The following SLC2A9 variants were observed in gnomAD, a reference collection of about 807,000 sequenced individuals.
SLC2A9 encodes solute carrier family 2, facilitated glucose transporter member 9.
SLC2A9 carries 39 observed loss-of-function variants against 50.6 expected under a neutral mutation model. The ratio of observed to expected loss-of-function variants is 0.77; its 90% CI spans 0.60 to 1.01. SLC2A9 has a LOEUF of 1.01. Among genes scored for constraint, SLC2A9 ranks in the 50% least tolerant of loss-of-function variants. SLC2A9 has a pLI of 0.00. For synonymous variants in SLC2A9, 324 were observed against 276.9 expected, an observed-to-expected ratio of 1.17 and a Z score of -1.69; for missense variants, 686 against 677.6, an observed-to-expected ratio of 1.01 and a Z score of -0.14.
intron 10 of SLC2A9, among the ~76,000 whole-genome samples, chr4:9,878,052 C>T (rs557846912): frequency 2.0e-5 from 3 of 152,264 alleles, no homozygotes; most frequent in Admixed American, 2.0e-4. Context: ...TGTCCCTCTC[C>T]TCTTCCTCTG....
chr4:9,782,496 T>C, intron 3 of SLC2A9: 2 of 1,614,012 alleles, frequency 1.2e-6, no homozygotes, highest in Non-Finnish European at 1.7e-6. Flanking sequence ...ACTCAGCGCA[T>C]GGCCTTGGTC....
chr4:9,911,360 A>C (rs1228991732), intron 7 of SLC2A9, among the ~76,000 whole-genome samples: 1 of 151,890 alleles, frequency 6.6e-6, no homozygotes, highest in Non-Finnish European at 1.5e-5. Context: ...CTCCCCCTAC[A>C]TCAGCTGATA....
At chr4:9,957,659 G>A (rs1751532984) in intron 5 of SLC2A9, among the ~76,000 whole-genome samples, 1 of 152,036 alleles carries the variant, frequency 6.6e-6, no homozygotes, top group Admixed American at 6.6e-5. Context: ...AACGGGGACA[G>A]GGGGAAAGCC....
At chr4:9,960,618 C>A (rs1167700298) in intron 5 of SLC2A9, among the ~76,000 whole-genome samples, 1 of 152,226 alleles carries the variant, frequency 6.6e-6, no homozygotes, top group Non-Finnish European at 1.5e-5. Flanking sequence ...AGCCAAAGCT[C>A]ACGTGGCATT....
chr4:10,019,098 G>A, intron 1 of SLC2A9, 25 bp from the exon 2 acceptor site: 1 of 1,546,442 alleles, frequency 6.5e-7, no homozygotes, highest in Non-Finnish European at 8.8e-7. Context: ...AACCACGTCA[G>A]AGCCGGCACC....
chr4:9,869,271 A>C (rs1185787204), intron 10 of SLC2A9, among the ~76,000 whole-genome samples: 2 of 152,154 alleles, frequency 1.3e-5, no homozygotes, highest in Non-Finnish European at 2.9e-5. Flanking sequence ...CAGCTTCTAG[A>C]ATCAATTCTC....
intron 3 of SLC2A9, among the ~76,000 whole-genome samples, chr4:9,995,060 T>G (rs1758402601): frequency 1.3e-5 from 2 of 152,118 alleles, no homozygotes; most frequent in Admixed American, 1.3e-4. Context: ...CTGCTTGGCA[T>G]AGTGGAAAGA....
chr4:9,923,368 A>G (rs568611404), intron 6 of SLC2A9, among the ~76,000 whole-genome samples: 1 of 152,282 alleles, frequency 6.6e-6, no homozygotes, highest in South Asian at 2.1e-4. Flanking sequence ...CTGTTTGTGT[A>G]AGTTCATACT....
intron 5 of SLC2A9, among the ~76,000 whole-genome samples, chr4:9,963,286 C>T (rs893822114): frequency 1.3e-5 from 2 of 152,172 alleles, no homozygotes; most frequent in Non-Finnish European, 2.9e-5. Context: ...CTGCCCTTGA[C>T]ACGTGGGGAT....
intron 2 of SLC2A9, among the ~76,000 whole-genome samples, chr4:10,001,332 T>C (rs1759758604): frequency 6.6e-6 from 1 of 152,032 alleles, no homozygotes; most frequent in Non-Finnish European, 1.5e-5. Flanking sequence ...AATGTGGAGA[T>C]AGACAGGCAC....
chr4:10,038,090 G>A (rs1253214632), intron 1 of SLC2A9, among the ~76,000 whole-genome samples: 1 of 152,184 alleles, frequency 6.6e-6, no homozygotes, highest in Non-Finnish European at 1.5e-5. Flanking sequence ...CTGGAAAATG[G>A]TCCTGAGCAC....
chr4:9,948,278 T>C (rs945318648), intron 5 of SLC2A9, among the ~76,000 whole-genome samples: 1 of 152,182 alleles, frequency 6.6e-6, no homozygotes, highest in Non-Finnish European at 1.5e-5. Context: ...TGGAATCACT[T>C]GGAGAGTTTT....
intron 5 of SLC2A9, among the ~76,000 whole-genome samples, chr4:9,954,637 C>T (rs1750892218): frequency 6.6e-6 from 1 of 152,042 alleles, no homozygotes; most frequent in Non-Finnish European, 1.5e-5. Flanking sequence ...CTCTACAGAC[C>T]CAAATGTTCC....
intron 2 of SLC2A9, among the ~76,000 whole-genome samples, chr4:9,998,485 T>C (rs182942339): frequency 6.6e-6 from 1 of 152,278 alleles, no homozygotes; most frequent in Non-Finnish European, 1.5e-5. Flanking sequence ...CAATCCCACA[T>C]AGACTAAAAA....
chr4:10,010,379 T>C (rs1215071807), intron 2 of SLC2A9, among the ~76,000 whole-genome samples: 1 of 152,224 alleles, frequency 6.6e-6, no homozygotes, highest in African/African-American at 2.4e-5. Context: ...AGCATAGCAC[T>C]TCCTGAGTTC....
At chr4:9,780,646 T>A (rs538220092) in intron 3 of SLC2A9, among the ~76,000 whole-genome samples, 1 of 152,336 alleles carries the variant, frequency 6.6e-6, no homozygotes, top group African/African-American at 2.4e-5. Context: ...AGCTGGCTGC[T>A]GTCACATCCC....
In SLC2A9 at chr4:9,885,096, A is replaced by C. The variant is rs139277680; in HGVS notation, c.1291+2471T>G. Among the ~76,000 whole-genome samples the C allele has an allele frequency of 9.8e-5, 15 of 152,316 alleles. No individual in the cohort carries two copies. In the East Asian group the frequency reaches 1.9e-3, roughly 20 times the overall value. The stretch of plus-strand genomic sequence containing the variant: ...GGGCTTAATACCTTAATTGCTGTCG[A>C]TAAGTACAGCAAACCACCATGGCAC... On this transcript the variant is annotated intron_variant, in intron 10 of 11. Transcript: ENST00000264784.
chr4:9,890,366 G>A (rs867956117), intron 9 of SLC2A9, among the ~76,000 whole-genome samples: 5 of 152,240 alleles, frequency 3.3e-5, no homozygotes, highest in Middle Eastern at 3.4e-3. Flanking sequence ...AAGATCACAC[G>A]GCTCATCAGT....
At chr4:9,925,435 CT>C (rs1248926319) in intron 6 of SLC2A9, among the ~76,000 whole-genome samples, 1 of 152,142 alleles carries the variant, frequency 6.6e-6, no homozygotes, top group Non-Finnish European at 1.5e-5. Flanking sequence ...TTAAGGGATG[CT>C]GTGTTACTGT....
Sources: gnomAD v4.1 joint callset for allele counts (sites outside exome capture counted in the v4.1 genomes callset) on GRCh38, gnomAD v4.1.1 for gene constraint, MANE v1.5 for transcripts, NCBI Gene and HGNC (gene_info 2026-07-23, HGNC 2026-07-21) for gene names.